Variants in ROBO1 observed in about 807,000 individuals in gnomAD.
ROBO1 encodes the protein roundabout homolog 1.
A neutral mutation model predicts 195.9 loss-of-function variants in ROBO1; 149 were observed. The ratio of observed to expected loss-of-function variants is 0.76; its 90% CI spans 0.67 to 0.87. The LOEUF (loss-of-function observed/expected upper bound fraction) is 0.87. Ranked by LOEUF, ROBO1 falls within the 40% of genes least tolerant of loss-of-function variation. The probability of loss-of-function intolerance (pLI) is 0.00; values close to 1 mark genes in which losing one functional copy is unlikely to be tolerated. For synonymous variants in ROBO1, 816 were observed against 733.2 expected, an observed-to-expected ratio of 1.11 and a Z score of -1.82; for missense variants, 1,933 against 2,068.3, an observed-to-expected ratio of 0.93 and a Z score of 1.27.
At chr3:78,921,889 C>T (rs529196908) in intron 4 of ROBO1, among the ~76,000 whole-genome samples, 8 of 151,848 alleles carry the variant, frequency 5.3e-5, no homozygotes, top group East Asian at 1.9e-4. Flanking sequence ...CGGGTTCAAG[C>T]GATTCCCCTT....
At chr3:79,237,159 T>C (rs189173764) in intron 2 of ROBO1, among the ~76,000 whole-genome samples, 4 of 152,208 alleles carry the variant, frequency 2.6e-5, no homozygotes, top group Admixed American at 2.6e-4. Flanking sequence ...ATGCTATTTA[T>C]TGGTGATAAT....
chr3:78,690,280 C>T (rs1343548230), intron 8 of ROBO1, among the ~76,000 whole-genome samples: 1 of 150,404 alleles, frequency 6.6e-6, no homozygotes, highest in African/African-American at 2.4e-5. Flanking sequence ...TTTCTATACT[C>T]TTTTTTTTTA....
At chr3:79,243,795 A>T (rs900977721) in intron 2 of ROBO1, among the ~76,000 whole-genome samples, 1 of 152,078 alleles carries the variant, frequency 6.6e-6, no homozygotes, top group Admixed American at 6.6e-5. Flanking sequence ...ATTCACTCTG[A>T]TGGTAGTTTC....
rs143614695 is a variant in ROBO1, at chr3:78,944,823, G to A, written c.173-5896C>T. 4.3e-3 allele frequency among the ~76,000 whole-genome samples: 653 copies of A among 152,236 alleles called. 4 individuals carry two copies. Among genetic ancestry groups the A allele is most frequent in the African/African-American group, 0.015 (629 of 41,558 alleles). ...CGGGTCACTCCCACCCTAATACTGC[G>A]CTTTTCCAATGGACTTAAAAAACGG... On this transcript the variant is annotated intron_variant, in intron 3 of 30. Coordinates refer to ENST00000464233, the MANE Select transcript of ROBO1 (RefSeq NM_002941.4).
At chr3:79,397,271 C>T (rs1252065116) in intron 2 of ROBO1, among the ~76,000 whole-genome samples, 3 of 150,884 alleles carry the variant, frequency 2.0e-5, no homozygotes, top group South Asian at 2.1e-4. Context: ...TATATATATG[C>T]TGTTTTCTAT....
intron 3 of ROBO1, among the ~76,000 whole-genome samples, chr3:79,085,617 T>A (rs775421594): frequency 2.6e-5 from 4 of 152,176 alleles, no homozygotes; most frequent in Non-Finnish European, 5.9e-5. Context: ...GTGGGGCCTG[T>A]CACTGCCACA....
intron 2 of ROBO1, among the ~76,000 whole-genome samples, chr3:79,538,115 C>G (rs947199840): frequency 6.6e-6 from 1 of 152,048 alleles, no homozygotes; most frequent in African/African-American, 2.4e-5. Context: ...ACCAAAACTA[C>G]GAATAATAGC....
intron 2 of ROBO1, among the ~76,000 whole-genome samples, chr3:79,435,925 A>G (rs991908587): frequency 2.6e-5 from 4 of 152,166 alleles, no homozygotes; most frequent in African/African-American, 9.6e-5. Flanking sequence ...CAATTTTCCT[A>G]TAAAAAGCTG....
chr3:79,376,466 T>C (rs1397706408), intron 2 of ROBO1, among the ~76,000 whole-genome samples: 2 of 152,202 alleles, frequency 1.3e-5, no homozygotes, highest in African/African-American at 4.8e-5. Flanking sequence ...CTTGTCTAAA[T>C]TGTAGCTATC....
intron 2 of ROBO1, among the ~76,000 whole-genome samples, chr3:79,567,109 G>C (rs1274549191): frequency 2.0e-5 from 3 of 152,142 alleles, no homozygotes; most frequent in African/African-American, 7.2e-5. Context: ...GCAGGGGCAG[G>C]GGTGGATCTG....
intron 2 of ROBO1, among the ~76,000 whole-genome samples, chr3:79,429,574 C>A (rs559278024): frequency 6.6e-6 from 1 of 152,200 alleles, no homozygotes; most frequent in Admixed American, 6.6e-5. Flanking sequence ...AAACAAACAA[C>A]CTGATTAACT....
chr3:79,035,790 C>T (rs976803437), intron 3 of ROBO1, among the ~76,000 whole-genome samples: 1 of 151,108 alleles, frequency 6.6e-6, no homozygotes, highest in African/African-American at 2.4e-5. Context: ...ATTGAAAATT[C>T]CCCAATTTCC....
intron 2 of ROBO1, among the ~76,000 whole-genome samples, chr3:79,148,985 C>A (rs2080710651): frequency 6.6e-6 from 1 of 151,854 alleles, no homozygotes; most frequent in Non-Finnish European, 1.5e-5. Context: ...GTCATTGTTT[C>A]CCAGCAATTG....
intron 2 of ROBO1, among the ~76,000 whole-genome samples, chr3:79,491,978 T>C (rs1939481121): frequency 6.6e-6 from 1 of 152,096 alleles, no homozygotes; most frequent in African/African-American, 2.4e-5. Context: ...CATTAAATTC[T>C]AGCATAAACA....
intron 2 of ROBO1, among the ~76,000 whole-genome samples, chr3:79,136,504 G>A (rs1012014942): frequency 2.6e-5 from 4 of 152,072 alleles, no homozygotes; most frequent in African/African-American, 9.7e-5. Context: ...CTATCAATAT[G>A]AGAATTGTGT....
At position 79,767,758 on chromosome 3, in the gene ROBO1, A is replaced by G. The variant is rs1358970777; in HGVS notation, c.-57T>C. The G allele has an allele frequency of 2.0e-5, 3 of 152,214 alleles. No homozygotes were observed. Among genetic ancestry groups the G allele is most frequent in the African/African-American group, 7.2e-5 (3 of 41,438 alleles). The allele number at this position is 152,214 out of a possible 1,614,324, so 9.4% of individuals were successfully genotyped here. ...AACCATTTCCGAGACTTACCCTTCCATAAGACTGTTTTCAGCAATCTAGAG... is the reference window on the plus strand; with the variant it reads ...AACCATTTCCGAGACTTACCCTTCCGTAAGACTGTTTTCAGCAATCTAGAG... On this transcript the variant is annotated 5_prime_UTR_variant, in exon 1 of 31. An upstream start codon of the reference 5' UTR is lost. Coordinates refer to ENST00000464233, the MANE Select transcript of ROBO1 (RefSeq NM_002941.4).
chr3:79,454,549 T>C (rs1463013589), intron 2 of ROBO1, among the ~76,000 whole-genome samples: 4 of 152,072 alleles, frequency 2.6e-5, no homozygotes, highest in Admixed American at 2.6e-4. Flanking sequence ...CATTTTAGCA[T>C]GAGTTAAAGA....
chr3:79,410,741 C>T (rs1240194302), intron 2 of ROBO1, among the ~76,000 whole-genome samples: 1 of 151,984 alleles, frequency 6.6e-6, no homozygotes. Flanking sequence ...GGATAAAGGT[C>T]CAGTAATAAT....
chr3:79,467,549 G>A (rs761702954), intron 2 of ROBO1, among the ~76,000 whole-genome samples: 1 of 151,886 alleles, frequency 6.6e-6, no homozygotes, highest in Non-Finnish European at 1.5e-5. Flanking sequence ...CAAGAAGATG[G>A]TTGGAGAGGA....
Sources: allele counts gnomAD v4.1 joint callset (sites outside exome capture counted in the v4.1 genomes callset), GRCh38; gene constraint gnomAD v4.1.1; transcripts MANE v1.5; gene names NCBI Gene and HGNC (gene_info 2026-07-23, HGNC 2026-07-21).